Variants in SORCS1 observed in about 807,000 individuals in gnomAD.
The protein encoded by SORCS1 is sortilin related VPS10 domain containing receptor 1, also known as VPS10 domain-containing receptor SorCS1.
A neutral mutation model predicts 146.1 loss-of-function variants in SORCS1; 60 were observed. The observed-to-expected ratio is 0.41, with a 90% CI of 0.33 to 0.51. SORCS1 has a LOEUF of 0.51. Among genes scored for constraint, SORCS1 ranks in the 20% least tolerant of loss-of-function variants. The pLI is 0.21. For synonymous variants in SORCS1, 637 were observed against 584.0 expected, an observed-to-expected ratio of 1.09 and a Z score of -1.31; for missense variants, 1,352 against 1,487.6, an observed-to-expected ratio of 0.91 and a Z score of 1.50.
rs1000358553 is a variant in SORCS1, at chr10:106,709,290, T to G, written c.1076A>C (p.Asn359Thr). Reference protein sequence around the residue: ...RMQNCTEANRNQPFPGYIDPD... With the variant: ...RMQNCTEANRTQPFPGYIDPD... Reference sequence around the variant, plus strand: ...GTCAATGTAGCCTGGAAAAGGCTGATTCCTGTTGGCCTCTGTACAGTTCTG... The same window carrying G: ...GTCAATGTAGCCTGGAAAAGGCTGAGTCCTGTTGGCCTCTGTACAGTTCTG... The change falls in exon 7 of 26, where the codon AAT (asparagine) becomes ACT (threonine). Residue 359 changes from asparagine to threonine, a missense_variant. By Grantham distance (65) the Asn-to-Thr change is moderately conservative. Around this residue, in one of 3 missense-constraint regions of SORCS1, gnomAD observed 490 missense variants for 489.1 expected, o/e 1.00. Transcript: ENST00000263054. 1.2e-6 allele frequency: 2 copies of G among 1,613,854 alleles called. No individual in the cohort carries two copies. Among genetic ancestry groups the G allele is most frequent in the African/African-American group, 2.7e-5 (2 of 74,920 alleles).
At chr10:106,995,825 A>G (rs1429189103) in intron 1 of SORCS1, among the ~76,000 whole-genome samples, 1 of 152,164 alleles carries the variant, frequency 6.6e-6, no homozygotes, top group Non-Finnish European at 1.5e-5. Context: ...ACAGGCATAA[A>G]AAGGATTTGG....
At chr10:107,124,953 C>CTTTTTTTTT (rs577523339) in intron 1 of SORCS1, among the ~76,000 whole-genome samples, 3 of 121,614 alleles carry the variant, frequency 2.5e-5, no homozygotes, top group Admixed American at 8.6e-5. Flanking sequence ...TTTTCTTTTT[C>CTTTTTTTTT]TTTTTTTTTT....
At chr10:106,715,233 TAATTAATGTC>T (rs987795648) in intron 6 of SORCS1, among the ~76,000 whole-genome samples, 4 of 152,258 alleles carry the variant, frequency 2.6e-5, no homozygotes, top group African/African-American at 9.6e-5. Flanking sequence ...AATTTGGCAT[TAATTAATGTC>T]AATTAATGCA....
chr10:106,828,717 T>C (rs930360857), intron 3 of SORCS1, among the ~76,000 whole-genome samples: 4 of 152,314 alleles, frequency 2.6e-5, no homozygotes, highest in African/African-American at 4.8e-5. Flanking sequence ...AATGCAAGTT[T>C]ATGAAAATAA....
At chr10:106,897,606 C>G (rs901284940) in intron 2 of SORCS1, among the ~76,000 whole-genome samples, 3 of 152,062 alleles carry the variant, frequency 2.0e-5, no homozygotes, top group Admixed American at 6.6e-5. Context: ...CTCTGGGTAT[C>G]TGTGTGTGTA....
the SORCS1 span, among the ~76,000 whole-genome samples, chr10:107,172,525 T>C: frequency 6.6e-6 from 1 of 152,224 alleles, no homozygotes; most frequent in Admixed American, 6.5e-5. Flanking sequence ...ATTGTACTTT[T>C]TTAATTCTCA....
chr10:106,701,212 G>T (rs1234719072), intron 8 of SORCS1, among the ~76,000 whole-genome samples: 2 of 152,088 alleles, frequency 1.3e-5, no homozygotes, highest in African/African-American at 4.8e-5. Context: ...ATCTGATGCA[G>T]AACCTGAGGA....
intron 1 of SORCS1, among the ~76,000 whole-genome samples, chr10:107,007,232 GGTCTTTGTCTT>G (rs1024733065): frequency 8.5e-5 from 13 of 152,296 alleles, no homozygotes; most frequent in African/African-American, 2.6e-4. Context: ...GCAGAGAGGG[GGTCTTTGTCTT>G]GTCCCTTTTA....
At chr10:106,968,107 G>A (rs1291806078) in intron 1 of SORCS1, among the ~76,000 whole-genome samples, 1 of 152,018 alleles carries the variant, frequency 6.6e-6, no homozygotes, top group Non-Finnish European at 1.5e-5. Context: ...TTACTCGGGA[G>A]GCTGAGGCAG....
intron 18 of SORCS1, among the ~76,000 whole-genome samples, chr10:106,651,380 C>T (rs1849854950): frequency 1.3e-5 from 2 of 152,170 alleles, no homozygotes; most frequent in South Asian, 2.1e-4. Context: ...GCACAATGCA[C>T]AACCTGTGAA....
At chr10:106,640,060 ACT>A (rs1313631037) in intron 18 of SORCS1, among the ~76,000 whole-genome samples, 2 of 152,128 alleles carry the variant, frequency 1.3e-5, no homozygotes, top group Non-Finnish European at 2.9e-5. Flanking sequence ...TCAACATAAC[ACT>A]GTTTATTAAC....
intron 23 of SORCS1, among the ~76,000 whole-genome samples, chr10:106,601,498 C>A (rs902674189): frequency 1.3e-5 from 2 of 152,158 alleles, no homozygotes; most frequent in Non-Finnish European, 2.9e-5. Flanking sequence ...AGGCTCAATT[C>A]GAATTTTAGG....
At chr10:106,891,641 A>G (rs1951242107) in intron 2 of SORCS1, among the ~76,000 whole-genome samples, 1 of 151,992 alleles carries the variant, frequency 6.6e-6, no homozygotes, top group South Asian at 2.1e-4. Context: ...CTGAGATTAC[A>G]GGCATGAACC....
intron 3 of SORCS1, among the ~76,000 whole-genome samples, chr10:106,779,656 A>T (rs1020955310): frequency 2.7e-5 from 4 of 150,514 alleles, no homozygotes; most frequent in Admixed American, 2.0e-4. Flanking sequence ...CTCCTGGCTA[A>T]TTTTTGTATT....
intron 24 of SORCS1, among the ~76,000 whole-genome samples, chr10:106,579,959 AATT>A (rs1844805709): frequency 6.6e-6 from 1 of 151,830 alleles, no homozygotes; most frequent in East Asian, 1.9e-4. Flanking sequence ...ATAATATAAT[AATT>A]ATATTTTATT....
At chr10:106,707,447 C>T (rs776842715) in intron 7 of SORCS1, among the ~76,000 whole-genome samples, 5 of 152,010 alleles carry the variant, frequency 3.3e-5, no homozygotes, top group East Asian at 1.9e-4. Flanking sequence ...GTGATCTGCC[C>T]GCCTCGGCCT....
chr10:106,599,110 C>T (rs900174522), intron 23 of SORCS1, among the ~76,000 whole-genome samples: 2 of 152,130 alleles, frequency 1.3e-5, no homozygotes, highest in African/African-American at 4.8e-5. Flanking sequence ...TGGCCGGGCA[C>T]AGTGGCTCAC....
At chr10:107,118,075 G>A (rs959911199) in intron 1 of SORCS1, among the ~76,000 whole-genome samples, 8 of 152,148 alleles carry the variant, frequency 5.3e-5, no homozygotes, top group Non-Finnish European at 8.8e-5. Context: ...CTTATCCCCA[G>A]TGCAATGATA....
At chr10:106,595,296 C>A (rs187203898) in intron 24 of SORCS1, among the ~76,000 whole-genome samples, 35 of 152,236 alleles carry the variant, frequency 2.3e-4, no homozygotes, top group Middle Eastern at 3.4e-3. Flanking sequence ...GGCAGGCACT[C>A]GGTAAATATC....
Sources: gnomAD v4.1 joint callset for allele counts (sites outside exome capture counted in the v4.1 genomes callset) on GRCh38, gnomAD v4.1.1 for gene constraint, gnomAD v4.1.1 regional missense constraint, MANE v1.5 for transcripts, NCBI Gene and HGNC (gene_info 2026-07-23, HGNC 2026-07-21) for gene names.